ARHGAP35: variants seen among roughly 807,000 people sequenced by gnomAD.
The protein encoded by ARHGAP35 is rho GTPase-activating protein 35.
A neutral mutation model predicts 111.1 loss-of-function variants in ARHGAP35; 15 were observed. That is an observed-to-expected ratio of 0.13 (90% CI 0.09 to 0.21). The LOEUF is 0.21. ARHGAP35 is among the 10% of genes least tolerant of loss of function. ARHGAP35 has a pLI of 1.00. For missense variants in ARHGAP35, 1,262 were observed against 1,873.0 expected (o/e 0.67, Z 6.02); for synonymous variants, 643 against 710.3 (o/e 0.91, Z 1.51).
At chr19:46,968,915 T>C (rs1238502139) in intron 3 of ARHGAP35, among the ~76,000 whole-genome samples, 5 of 152,096 alleles carry the variant, frequency 3.3e-5, no homozygotes, top group Non-Finnish European at 7.4e-5. Context: ...GATGAAACCC[T>C]GTCTCTACTA....
chr19:46,953,151 A>C, intron 3 of ARHGAP35, among the ~76,000 whole-genome samples: 1 of 152,224 alleles, frequency 6.6e-6, no homozygotes, highest in Non-Finnish European at 1.5e-5. Context: ...ATTGGACCAG[A>C]CAGACAAAAT....
intron 1 of ARHGAP35, among the ~76,000 whole-genome samples, chr19:46,890,804 A>G (rs898223784): frequency 1.3e-5 from 2 of 152,100 alleles, no homozygotes; most frequent in Non-Finnish European, 2.9e-5. Context: ...TATTGACTCT[A>G]TTTCTCTACT....
At chr19:46,973,642 G>T (rs2056564178) in intron 3 of ARHGAP35, among the ~76,000 whole-genome samples, 1 of 151,762 alleles carries the variant, frequency 6.6e-6, no homozygotes, top group African/African-American at 2.4e-5. Context: ...AGTGAGCAGA[G>T]ATCGCACCAC....
intron 1 of ARHGAP35, among the ~76,000 whole-genome samples, chr19:46,893,583 T>C (rs2056037238): frequency 1.3e-5 from 2 of 151,986 alleles, no homozygotes; most frequent in Non-Finnish European, 2.9e-5. Context: ...TAAAACACAC[T>C]TACCTTGTTT....
chr19:46,887,154 A>G (rs1456117672), intron 1 of ARHGAP35, among the ~76,000 whole-genome samples: 1 of 149,694 alleles, frequency 6.7e-6, no homozygotes, highest in African/African-American at 2.5e-5. Context: ...GGTACCTTCT[A>G]CTCGTTACTG....
chr19:46,969,051 C>T (rs1398824041), intron 3 of ARHGAP35, among the ~76,000 whole-genome samples: 1 of 152,090 alleles, frequency 6.6e-6, no homozygotes, highest in African/African-American at 2.4e-5. Context: ...TGCACCACTG[C>T]ACTCCAGCCT....
At chr19:46,878,463 C>A (rs979088347) in intron 1 of ARHGAP35, among the ~76,000 whole-genome samples, 4 of 151,996 alleles carry the variant, frequency 2.6e-5, no homozygotes, top group African/African-American at 9.7e-5. Flanking sequence ...TCTAGAGATG[C>A]GCACACTACC....
chr19:46,902,614 T>A (rs1263679096), intron 1 of ARHGAP35, among the ~76,000 whole-genome samples: 1 of 152,198 alleles, frequency 6.6e-6, no homozygotes, highest in Non-Finnish European at 1.5e-5. Context: ...GCTCTCATGA[T>A]TCAACTGGCT....
chr19:46,957,987 T>A (rs890478718), intron 3 of ARHGAP35, among the ~76,000 whole-genome samples: 3 of 151,994 alleles, frequency 2.0e-5, no homozygotes, highest in Admixed American at 1.3e-4. Flanking sequence ...CACTGCAGCC[T>A]GAAACACCTG....
At chr19:46,931,394 C>T (rs1004440520) in intron 2 of ARHGAP35, among the ~76,000 whole-genome samples, 1 of 152,140 alleles carries the variant, frequency 6.6e-6, no homozygotes, top group East Asian at 1.9e-4. Flanking sequence ...TGGACTTGGA[C>T]AGGGTCTGTG....
intron 1 of ARHGAP35, among the ~76,000 whole-genome samples, chr19:46,864,425 A>T (rs541268515): frequency 6.6e-6 from 1 of 152,286 alleles, no homozygotes; most frequent in East Asian, 1.9e-4. Flanking sequence ...GGCCTAGGGC[A>T]ATTGTATATT....
chr19:46,988,399 C>G lies in ARHGAP35; in HGVS notation c.3904+333C>G. ...CTGTTTTCCCATGCAGAGCTAGTTG[C>G]AGGCACATGATATACAAGTCGGGTT... On this transcript the variant is annotated intron_variant, in intron 4 of 6. Transcript: ENST00000672722. The surrounding 1 kb of genome is among the most constrained non-coding windows in gnomAD (Gnocchi z 5.4). 1 of 308,438 alleles carries G rather than the reference C, an allele frequency of 3.2e-6. No individual in the cohort carries two copies. Among genetic ancestry groups the G allele is most frequent in the Non-Finnish European group, 6.3e-6 (1 of 157,712 alleles). 19.1% of individuals were successfully genotyped at this position (308,438 alleles called of 1,614,324 possible).
At chr19:46,955,660 G>C (rs755343815) in intron 3 of ARHGAP35, among the ~76,000 whole-genome samples, 1 of 151,978 alleles carries the variant, frequency 6.6e-6, no homozygotes, top group Non-Finnish European at 1.5e-5. Context: ...CATACTTCCT[G>C]TATTTGTGGC....
At chr19:46,899,595 G>A (rs2056073982) in intron 1 of ARHGAP35, among the ~76,000 whole-genome samples, 1 of 151,878 alleles carries the variant, frequency 6.6e-6, no homozygotes, top group African/African-American at 2.4e-5. Flanking sequence ...AGCTACTCAG[G>A]TAACTGCAGC....
At chr19:46,990,855 G>C (rs761097550) in intron 5 of ARHGAP35, among the ~76,000 whole-genome samples, 1 of 152,162 alleles carries the variant, frequency 6.6e-6, no homozygotes, top group Non-Finnish European at 1.5e-5. Flanking sequence ...GGGCCTCCAA[G>C]CTCATCCTTC....
chr19:46,883,314 C>G (rs1041961416), intron 1 of ARHGAP35, among the ~76,000 whole-genome samples: 9 of 151,090 alleles, frequency 6.0e-5, no homozygotes, highest in Non-Finnish European at 8.8e-5. Context: ...TGGCCAGGCT[C>G]GTCTCGAACT....
chr19:46,998,239 A>AG (rs1245207452), intron 5 of ARHGAP35, among the ~76,000 whole-genome samples: 1 of 152,108 alleles, frequency 6.6e-6, no homozygotes, highest in East Asian at 1.9e-4. Context: ...AAGGAGCCCG[A>AG]GCCCCCGGGC....
At chr19:46,944,301 A>C (rs2056366125) in intron 3 of ARHGAP35, among the ~76,000 whole-genome samples, 1 of 149,894 alleles carries the variant, frequency 6.7e-6, no homozygotes, top group Admixed American at 6.6e-5. Context: ...CCTGTCTCAA[A>C]AAAAAAAAAA....
intron 1 of ARHGAP35, among the ~76,000 whole-genome samples, chr19:46,874,310 T>A (rs1375247937): frequency 6.6e-6 from 1 of 152,114 alleles, no homozygotes; most frequent in East Asian, 1.9e-4. Flanking sequence ...AGGAACACAC[T>A]GTTTCTTTAC....
Sources: allele counts gnomAD v4.1 joint callset (sites outside exome capture counted in the v4.1 genomes callset), GRCh38; gene constraint gnomAD v4.1.1; non-coding constraint Gnocchi (gnomAD v3.1); transcripts MANE v1.5; gene names NCBI Gene and HGNC (gene_info 2026-07-23, HGNC 2026-07-21).